Variants in SEMA3A observed in about 807,000 individuals in gnomAD.
SEMA3A encodes the protein semaphorin-3A.
Under a neutral mutation model 97.9 loss-of-function variants are expected in SEMA3A, and 29 were observed. That is an observed-to-expected ratio of 0.30 (90% CI 0.22 to 0.40). SEMA3A has a LOEUF of 0.40. Ranked by LOEUF, SEMA3A falls within the 10% of genes least tolerant of loss-of-function variation. SEMA3A has a pLI of 1.00. For synonymous variants in SEMA3A, 321 were observed against 323.7 expected, an observed-to-expected ratio of 0.99 and a Z score of 0.09; for missense variants, 763 against 951.3, an observed-to-expected ratio of 0.80 and a Z score of 2.60.
intron 4 of SEMA3A, 65 bp downstream of exon 4, chr7:84,110,405 G>C: frequency 6.4e-7 from 1 of 1,571,232 alleles, no homozygotes; most frequent in East Asian, 2.2e-5. Flanking sequence ...GAAGAAATTA[G>C]TAATGAAGCA....
intron 1 of SEMA3A, among the ~76,000 whole-genome samples, chr7:84,490,870 G>A (rs1446448039): frequency 1.3e-5 from 2 of 152,134 alleles, no homozygotes; most frequent in African/African-American, 2.4e-5. Flanking sequence ...GTACTCTATG[G>A]CATTCATGTG....
rs143835925 is a variant in SEMA3A at position 84,214,797 on chromosome 7, C to G, written c.-82-20129G>C. On this transcript the variant is annotated intron_variant, in intron 3 of 3. Coordinates refer to the SEMA3A transcript ENST00000424555. ...CACTGCAACCTCTGCCTCCTGGGTT[C>G]AAGCAATTCTCCTGCCCCAGCCTCC... Among the ~76,000 whole-genome samples, 627 of 150,430 alleles carry G rather than the reference C, an allele frequency of 4.2e-3. 2 individuals carry two copies. The highest frequency in any genetic ancestry group is 6.9e-3 in the Non-Finnish European group (465 of 67,824).
At chr7:83,970,491 G>C (rs986977902) in intron 15 of SEMA3A, among the ~76,000 whole-genome samples, 3 of 152,052 alleles carry the variant, frequency 2.0e-5, no homozygotes, top group Admixed American at 6.6e-5. Context: ...TAAATGTCTC[G>C]CAAGATTGAA....
At chr7:84,077,241 A>G (rs1793986023) in intron 4 of SEMA3A, among the ~76,000 whole-genome samples, 1 of 152,112 alleles carries the variant, frequency 6.6e-6, no homozygotes, top group East Asian at 1.9e-4. Flanking sequence ...TGATCTCTCC[A>G]TATGTGCATT....
chr7:84,055,041 T>G lies in SEMA3A; in HGVS notation c.547+5424A>C, dbSNP rs1792892263. Among the ~76,000 whole-genome samples the G allele has an allele frequency of 2.6e-5, 4 of 152,138 alleles. No individual in the cohort carries two copies. The South Asian group carries it at 8.3e-4, about 32-fold the overall frequency. ...AGGGGTCAGGGGTCAGGGACCCACTTGAGGAGGCAGTCTGCCCGTTCTCAG... is the reference window on the plus strand; with the variant it reads ...AGGGGTCAGGGGTCAGGGACCCACTGGAGGAGGCAGTCTGCCCGTTCTCAG... On this transcript the variant is annotated intron_variant, in intron 5 of 16. Coordinates refer to ENST00000265362, the MANE Select transcript of SEMA3A (RefSeq NM_006080.3).
chr7:84,381,554 C>G (rs1326640989), intron 1 of SEMA3A, among the ~76,000 whole-genome samples: 16 of 152,154 alleles, frequency 1.1e-4, no homozygotes, highest in Non-Finnish European at 1.0e-4. Flanking sequence ...TAACAAATTA[C>G]TAAAGTACTC....
chr7:84,143,991 AC>A lies in SEMA3A; in HGVS notation c.113-9041del, dbSNP rs1562810320. ...CACACACACACACACACACACACAC[AC>A]ACAATTTATTGTGTATGCATTATCC... On this transcript the variant is annotated intron_variant, in intron 1 of 16. Transcript: ENST00000265362. Among the ~76,000 whole-genome samples the A allele has an allele frequency of 2.3e-3, 333 of 146,336 alleles. 2 individuals carry two copies. Among genetic ancestry groups the A allele is most frequent in the African/African-American group, 8.3e-3 (320 of 38,326 alleles).
Position 83,961,169 on chromosome 7 carries a change from T to C in SEMA3A, c.*202A>G. 1 of 584,358 alleles carries C rather than the reference T, an allele frequency of 1.7e-6. No individual in the cohort carries two copies. The highest frequency in any genetic ancestry group is 3.0e-6 in the Non-Finnish European group (1 of 328,296). The allele number at this position is 584,358 out of a possible 1,614,324, so 36.2% of individuals were successfully genotyped here. A position where few individuals can be genotyped will look rare whatever the true frequency, so the allele number is the denominator to read the frequency against. On this transcript the variant is annotated 3_prime_UTR_variant, in exon 17 of 17. Coordinates refer to ENST00000265362, the MANE Select transcript of SEMA3A (RefSeq NM_006080.3). ...ATCTGCATTCACCTGTGTTCTCTGT[T>C]AGGTGGTGGTATTAGGAAAAAAAGC... is the stretch of plus-strand genomic sequence containing the variant.
chr7:84,313,967 C>G (rs965895729), intron 2 of SEMA3A, among the ~76,000 whole-genome samples: 3 of 151,964 alleles, frequency 2.0e-5, no homozygotes, highest in African/African-American at 7.2e-5. Flanking sequence ...GCACCATATA[C>G]AGTTTTACAC....
intron 16 of SEMA3A, among the ~76,000 whole-genome samples, chr7:83,962,244 A>C (rs2116251555): frequency 6.6e-6 from 1 of 152,222 alleles, no homozygotes; most frequent in South Asian, 2.1e-4. Context: ...ATTTCCAAAA[A>C]TTAAATTTTA....
Position 84,396,158 on chromosome 7 carries a change from G to A in SEMA3A, c.-245-24258C>T, listed in dbSNP as rs577004947. On this transcript the variant is annotated intron_variant, in intron 1 of 3. Coordinates refer to the SEMA3A transcript ENST00000424555. ...AAAGACTAGCAGGAATAGGTGAAAGGCAATAATTGAAAACTAAATATACTT... is the reference window on the plus strand; with the variant it reads ...AAAGACTAGCAGGAATAGGTGAAAGACAATAATTGAAAACTAAATATACTT... Among the ~76,000 whole-genome samples, 56 of 151,946 alleles carry A rather than the reference G, an allele frequency of 3.7e-4. 1 individual carries two copies. The Middle Eastern group carries it at 0.01, about 28-fold the overall frequency.
intron 4 of SEMA3A, among the ~76,000 whole-genome samples, chr7:84,110,088 G>A (rs1196205942): frequency 1.3e-5 from 2 of 152,072 alleles, no homozygotes. Flanking sequence ...TTAATCCCTA[G>A]GCAGAAGAAA....
chr7:83,964,072 A>G (rs920184571), intron 15 of SEMA3A, among the ~76,000 whole-genome samples: 2 of 152,194 alleles, frequency 1.3e-5, no homozygotes, highest in African/African-American at 2.4e-5. Context: ...GCAAAAGTAC[A>G]TAATAAAATG....
In SEMA3A at chr7:84,406,757, C is replaced by G. The variant is rs1464638846; in HGVS notation, c.-245-34857G>C. Among the ~76,000 whole-genome samples the G allele has an allele frequency of 2.6e-5, 4 of 152,202 alleles. No homozygotes were observed. The South Asian group carries it at 8.3e-4, about 32-fold the overall frequency. On this transcript the variant is annotated intron_variant, in intron 1 of 3. Coordinates refer to the SEMA3A transcript ENST00000424555. ...CAAGGCTGGTTCAACATATGAAAATCAATAAACATAATCCAGCATATAAAC... is the reference window on the plus strand; with the variant it reads ...CAAGGCTGGTTCAACATATGAAAATGAATAAACATAATCCAGCATATAAAC...
chr7:84,039,015 C>G (rs1475254481), intron 6 of SEMA3A, among the ~76,000 whole-genome samples: 2 of 152,058 alleles, frequency 1.3e-5, no homozygotes, highest in African/African-American at 4.8e-5. Context: ...AATCAAATAG[C>G]TTGACAACAT....
intron 3 of SEMA3A, among the ~76,000 whole-genome samples, chr7:84,208,192 A>C (rs551499690): frequency 3.4e-4 from 51 of 152,172 alleles, no homozygotes; most frequent in South Asian, 3.1e-3. Context: ...GTGGCTCATG[A>C]CTGTAATCTC....
At chr7:84,113,704 C>T (rs1019819879) in intron 3 of SEMA3A, among the ~76,000 whole-genome samples, 2 of 152,152 alleles carry the variant, frequency 1.3e-5, no homozygotes, top group Non-Finnish European at 2.9e-5. Context: ...AGTTTAGCAA[C>T]AAGTTGGCAG....
chr7:84,097,063 A>G (rs1794798270), intron 4 of SEMA3A, among the ~76,000 whole-genome samples: 1 of 152,108 alleles, frequency 6.6e-6, no homozygotes, highest in Admixed American at 6.6e-5. Flanking sequence ...CCCAAGATTG[A>G]GGCCAGCAAA....
intron 1 of SEMA3A, among the ~76,000 whole-genome samples, chr7:84,391,834 GT>G: frequency 6.6e-6 from 1 of 151,942 alleles, no homozygotes; most frequent in Admixed American, 6.6e-5. Flanking sequence ...TTAGCTGGGT[GT>G]GATGGTGTAT....
Sources: gnomAD v4.1 joint callset for allele counts (sites outside exome capture counted in the v4.1 genomes callset) on GRCh38, gnomAD v4.1.1 for gene constraint, MANE v1.5 for transcripts, NCBI Gene and HGNC (gene_info 2026-07-23, HGNC 2026-07-21) for gene names.